The following MMP28 variants were observed in gnomAD, a reference collection of about 807,000 sequenced individuals.
MMP28 encodes matrix metallopeptidase 28, also known as matrix metalloproteinase-28.
A neutral mutation model predicts 60.5 loss-of-function variants in MMP28; 55 were observed. That is an observed-to-expected ratio of 0.91 (90% confidence interval 0.73 to 1.14). The LOEUF is 1.14. MMP28 is among the 50% of genes most tolerant of loss of function. The pLI, the probability that MMP28 is intolerant of heterozygous loss-of-function variation, is 0.00. For synonymous variants in MMP28, 318 were observed against 312.5 expected, an observed-to-expected ratio of 1.02 and a Z score of -0.18; for missense variants, 686 against 738.3, an observed-to-expected ratio of 0.93 and a Z score of 0.82.
downstream of MMP28, chr17:35,764,785 G>T (rs782662750): frequency 1.4e-6 from 1 of 725,374 alleles, no homozygotes; most frequent in Non-Finnish European, 2.1e-6. Context: ...CACTGTTGGT[G>T]CTTGGTTCCC....
intron 1 of MMP28, among the ~76,000 whole-genome samples, chr17:35,783,501 T>C (rs988997381): frequency 1.3e-5 from 2 of 152,226 alleles, no homozygotes; most frequent in Non-Finnish European, 2.9e-5. Flanking sequence ...CAGAGGACTT[T>C]CTAAAGGTAG....
chr17:35,788,445 C>A (rs888668045), intron 1 of MMP28, among the ~76,000 whole-genome samples: 5 of 152,116 alleles, frequency 3.3e-5, no homozygotes, highest in African/African-American at 1.2e-4. Flanking sequence ...TTCCACTACC[C>A]AAATCCTGGT....
Position 35,768,343 on chromosome 17 carries a change from G to T in MMP28, c.887C>A (p.Pro296Gln), listed in dbSNP as rs539729285. 1.6e-5 allele frequency: 25 copies of T among 1,612,644 alleles called. No homozygotes were observed. The South Asian group carries it at 2.5e-4, about 16-fold the overall frequency. ...PLGGSVAVQLPGKLFTDFETW... is the reference protein window; with the variant it reads ...PLGGSVAVQLQGKLFTDFETW... ...CTCAAAGTCAGTGAACAGCTTTCCT[G>T]GGAGCTGGACGGCCACTGAGCCCCC... The change falls in exon 6 of 8, where the codon CCA (proline) becomes CAA (glutamine). Residue 296 changes from proline (P) to glutamine (Q), a missense_variant. Pro to Gln is a moderately conservative substitution (Grantham distance 76). Coordinates refer to ENST00000605424, the MANE Select transcript of MMP28 (RefSeq NM_024302.5).
chr17:35,761,042 A>G, downstream of MMP28: 1 of 1,416,740 alleles, frequency 7.1e-7, no homozygotes, highest in South Asian at 1.4e-5. Flanking sequence ...ATGAAGTCCA[A>G]CCTTTTCTCA....
At chr17:35,795,056 C>A (rs1027074824) in intron 1 of MMP28, among the ~76,000 whole-genome samples, 7 of 152,252 alleles carry the variant, frequency 4.6e-5, no homozygotes, top group African/African-American at 1.7e-4. Context: ...CCACCCCAGC[C>A]CATCAGTGCG....
At chr17:35,777,919 T>C (rs2086381027) in intron 3 of MMP28, among the ~76,000 whole-genome samples, 1 of 152,184 alleles carries the variant, frequency 6.6e-6, no homozygotes, top group Non-Finnish European at 1.5e-5. Flanking sequence ...TCCCAGCTAC[T>C]TGTGAGGCTG....
chr17:35,767,602 G>A, intron 7 of MMP28, 150 bp downstream of exon 7: 3 of 936,780 alleles, frequency 3.2e-6, no homozygotes, highest in Non-Finnish European at 4.7e-6. Context: ...TTCTGATAGA[G>A]TCTTCCCTGG....
rs371878512 is a variant in MMP28 at position 35,760,305 on chromosome 17, T to C, written c.266-3886A>G. Among the ~76,000 whole-genome samples, 6 of 152,262 alleles carry C rather than the reference T, an allele frequency of 3.9e-5. 1 individual carries two copies. The stretch of plus-strand genomic sequence containing the variant: ...AGGATTTTCCTGAAGCTCCTTGATT[T>C]TACTCCCTCCCTCACCCCTGCCCCC... On this transcript the variant is annotated intron_variant, in intron 2 of 2. Coordinates refer to the MMP28 transcript ENST00000615317.
chr17:35,760,924 G>C, downstream of MMP28: 1 of 1,613,732 alleles, frequency 6.2e-7, no homozygotes, highest in Non-Finnish European at 8.5e-7. Context: ...GGGAAAGCAG[G>C]GCACAGCCTT....
At chr17:35,776,757 C>T (rs1555607739) in intron 3 of MMP28, among the ~76,000 whole-genome samples, 1 of 151,950 alleles carries the variant, frequency 6.6e-6, no homozygotes, top group Non-Finnish European at 1.5e-5. Context: ...GGCATGGTGG[C>T]GTGCACCTGT....
chr17:35,762,746 TGCTGG>T (rs2085846277), downstream of MMP28, among the ~76,000 whole-genome samples: 1 of 152,138 alleles, frequency 6.6e-6, no homozygotes, highest in African/African-American at 2.4e-5. Context: ...CCAGCGGAGA[TGCTGG>T]GCTTCCTTAA....
At chr17:35,778,094 A>T (rs2143413818) in intron 3 of MMP28, among the ~76,000 whole-genome samples, 1 of 152,358 alleles carries the variant, frequency 6.6e-6, no homozygotes. Context: ...AATCTTCATA[A>T]ATCTTAGATC....
intron 1 of MMP28, among the ~76,000 whole-genome samples, chr17:35,790,982 G>A (rs932483909): frequency 2.0e-5 from 3 of 150,750 alleles, no homozygotes; most frequent in East Asian, 2.0e-4. Context: ...CTCCAGCCCC[G>A]GCCTCCCAAA....
At chr17:35,767,486 G>A (rs535229619) in intron 7 of MMP28, among the ~76,000 whole-genome samples, 123 of 152,278 alleles carry the variant, frequency 8.1e-4, no homozygotes, top group African/African-American at 2.6e-3. Context: ...TTTCTGCTCA[G>A]TTGCAGAACT....
intron 1 of MMP28, among the ~76,000 whole-genome samples, chr17:35,794,013 G>A (rs1213362246): frequency 1.3e-5 from 2 of 151,852 alleles, no homozygotes; most frequent in African/African-American, 4.8e-5. Context: ...CAGGAGAATC[G>A]CTTGAACCCG....
intron 5 of MMP28, among the ~76,000 whole-genome samples, chr17:35,769,728 T>A (rs1349554515): frequency 7.7e-6 from 1 of 129,134 alleles, no homozygotes; most frequent in Admixed American, 8.4e-5. Flanking sequence ...TGGGTATGGG[T>A]GATGGGGCGG....
At position 35,766,111 on chromosome 17, in the gene MMP28, T is replaced by C. The variant is rs2085930647; in HGVS notation, c.*389A>G. Reference sequence around the variant, plus strand: ...GGGTCCTGAGGAGAAGGGCACAGTCTTGCAAAATGGTCTCGAATTTCTCTG... The same window carrying C: ...GGGTCCTGAGGAGAAGGGCACAGTCCTGCAAAATGGTCTCGAATTTCTCTG... On this transcript the variant is annotated 3_prime_UTR_variant, in exon 8 of 8. Transcript: ENST00000605424. The surrounding 1 kb of genome is among the most constrained non-coding windows in gnomAD (Gnocchi z 4.3). 1 of 1,009,652 alleles carries C rather than the reference T, an allele frequency of 9.9e-7. No individual in the cohort carries two copies. The highest frequency in any genetic ancestry group is 1.2e-6 in the Non-Finnish European group (1 of 845,534). The allele number at this position is 1,009,652 out of a possible 1,614,324, so 62.5% of individuals were successfully genotyped here. A position where few individuals can be genotyped will look rare whatever the true frequency, so the allele number is the denominator to read the frequency against.
At chr17:35,784,197 G>A (rs2086584332) in intron 1 of MMP28, among the ~76,000 whole-genome samples, 2 of 151,434 alleles carry the variant, frequency 1.3e-5, no homozygotes, top group African/African-American at 2.4e-5. Context: ...CAGGAGAATC[G>A]CTGGAACCCG....
rs370737986 is a variant in MMP28 at position 35,766,794 on chromosome 17, G to C, written c.1269C>G (p.Phe423Leu). Residue 423 changes from phenylalanine (F) to leucine (L), a missense_variant, in exon 8 of 8, where the codon TTC becomes TTG. Physicochemically the swap from Phe to Leu is conservative, Grantham distance 22. Transcript: ENST00000605424. The surrounding 1 kb of genome is among the most constrained non-coding windows in gnomAD (Gnocchi z 4.3). ...GLPRHPDAAL[F>L]FPPLRRLILF... ...GGATGAGGCGGCGCAGAGGAGGGAA[G>C]AAGAGGGCGGCGTCAGGATGGCGGG... The C allele has an allele frequency of 6.4e-7, 1 of 1,573,850 alleles. No individual in the cohort carries two copies. The highest frequency in any genetic ancestry group is 1.3e-5 in the African/African-American group (1 of 74,130).
Sources: allele counts gnomAD v4.1 joint callset (sites outside exome capture counted in the v4.1 genomes callset), GRCh38; gene constraint gnomAD v4.1.1; non-coding constraint Gnocchi (gnomAD v3.1); transcripts MANE v1.5; gene names NCBI Gene and HGNC (gene_info 2026-07-23, HGNC 2026-07-21).